The following ZNF146 variants were observed in gnomAD, a reference collection of about 807,000 sequenced individuals.
ZNF146 encodes the protein zinc finger protein OZF.
In ZNF146, 9 loss-of-function variants were observed where a neutral mutation model predicts 22.2. The ratio of observed to expected loss-of-function variants is 0.41; its 90% confidence interval spans 0.24 to 0.71. The LOEUF (loss-of-function observed/expected upper bound fraction) is 0.71, where lower values mean the gene tolerates loss of function less well. Among genes scored for constraint, ZNF146 ranks in the 30% least tolerant of loss-of-function variants. ZNF146 has a pLI of 0.34. For missense variants in ZNF146, 194 were observed against 344.8 expected (o/e 0.56, Z 3.46); for synonymous variants, 108 against 119.2 (o/e 0.91, Z 0.61).
At chr19:36,233,335 GCACCAC>G (rs1397625624) in intron 3 of ZNF146, among the ~76,000 whole-genome samples, 1 of 152,160 alleles carries the variant, frequency 6.6e-6, no homozygotes, top group Non-Finnish European at 1.5e-5. Context: ...AGTCGAGATC[GCACCAC>G]TGCACACCAG....
At chr19:36,218,355 C>T (rs1311201986) in intron 2 of ZNF146, among the ~76,000 whole-genome samples, 160 bp downstream of exon 2, 1 of 151,832 alleles carries the variant, frequency 6.6e-6, no homozygotes, top group Non-Finnish European at 1.5e-5. Flanking sequence ...ATGTTAAATA[C>T]TAGTACTTTT....
intron 2 of ZNF146, among the ~76,000 whole-genome samples, chr19:36,219,375 G>A (rs1976745229): frequency 6.6e-6 from 1 of 152,060 alleles, no homozygotes; most frequent in Admixed American, 6.5e-5. Context: ...ATGTTGCCCA[G>A]GCTGGAAGTT....
intron 2 of ZNF146, among the ~76,000 whole-genome samples, chr19:36,222,640 A>G (rs1262648562): frequency 2.6e-5 from 4 of 151,438 alleles, no homozygotes; most frequent in African/African-American, 9.8e-5. Flanking sequence ...ATTTTTTTTT[A>G]TATGTTTAAA....
chr19:36,218,326 TG>T (rs1976698798), intron 2 of ZNF146, 131 bp downstream of exon 2: 1 of 152,088 alleles, frequency 6.6e-6, no homozygotes, highest in Non-Finnish European at 1.5e-5. Flanking sequence ...GTCCCCAGTG[TG>T]TAGTAAGTAC....
At chr19:36,222,778 CTTTTTTTT>C in intron 2 of ZNF146, among the ~76,000 whole-genome samples, 1 of 100,892 alleles carries the variant, frequency 9.9e-6, no homozygotes, top group Middle Eastern at 6.3e-3. Flanking sequence ...TGAGTGGTGG[CTTTTTTTT>C]TTTTTTTTTT....
chr19:36,217,902 AT>A (rs1976678967), intron 1 of ZNF146, among the ~76,000 whole-genome samples: 1 of 138,650 alleles, frequency 7.2e-6, no homozygotes, highest in Non-Finnish European at 1.6e-5. Context: ...AAAAAAAAAA[AT>A]TCAAAAGATA....
rs752632008 is a variant in ZNF146, at chr19:36,217,055, C to CTTT, written c.-928-1044_-928-1042dup. ...AGCTTGGTGGACAGCCAGTCCCTGT[C>CTTT]TTTTTTTTTTTTTTTTTTTTTTTTT... On this transcript the variant is annotated intron_variant, in intron 1 of 3. Coordinates refer to ENST00000443387, the MANE Select transcript of ZNF146 (RefSeq NM_007145.3). Among the ~76,000 whole-genome samples the CTTT allele has an allele frequency of 5.0e-3, 330 of 65,868 alleles. 29 individuals carry two copies. The highest frequency in any genetic ancestry group is 0.014 in the East Asian group (25 of 1,830). 43.2% of individuals were successfully genotyped at this position (65,868 alleles called of 152,430 possible).
At chr19:36,217,955 G>C (rs1976682038) in intron 1 of ZNF146, among the ~76,000 whole-genome samples, 167 bp from the exon 2 acceptor site, 2 of 151,744 alleles carry the variant, frequency 1.3e-5, no homozygotes, top group African/African-American at 4.8e-5. Context: ...GGGGGTACTG[G>C]AATAGACAGG....
intron 2 of ZNF146, among the ~76,000 whole-genome samples, chr19:36,220,371 TATTTTA>T (rs560844017): frequency 0.09 from 12,860 of 143,196 alleles, 1,345 homozygotes; most frequent in Non-Finnish European, 0.14. Context: ...AATTTAATTT[TATTTTA>T]TTTTTGAGAC....
Position 36,228,758 on chromosome 19 carries a change from C to A in ZNF146, c.-844C>A, listed in dbSNP as rs781374836. On this transcript the variant is annotated 5_prime_UTR_variant, in exon 3 of 4. Transcript: ENST00000443387. ...TCATTTTCCCAATAGTTAATATGAT[C>A]CTCTGTTGAAGCAAGAAGACAAACT... The A allele has an allele frequency of 5.3e-5, 8 of 152,174 alleles. No individual in the cohort carries two copies. Among genetic ancestry groups the A allele is most frequent in the Non-Finnish European group, 1.2e-4 (8 of 68,074 alleles). 9.4% of individuals were successfully genotyped at this position (152,174 alleles called of 1,614,324 possible).
At chr19:36,233,783 G>GA (rs1175667644) in intron 3 of ZNF146, among the ~76,000 whole-genome samples, 2 of 152,202 alleles carry the variant, frequency 1.3e-5, no homozygotes, top group Non-Finnish European at 2.9e-5. Context: ...TCAGTAGATG[G>GA]AATATACAAT....
intron 2 of ZNF146, among the ~76,000 whole-genome samples, chr19:36,218,424 G>A (rs1976701909): frequency 6.6e-6 from 1 of 151,724 alleles, no homozygotes; most frequent in Non-Finnish European, 1.5e-5. Context: ...GTGTCTGGTA[G>A]GAATTTCTGA....
At position 36,237,718 on chromosome 19, in the gene ZNF146, GT is replaced by G. The variant is rs1977696333; in HGVS notation, c.*400del. 5.6e-6 allele frequency: 1 copy of G among 177,136 alleles called. No individual in the cohort carries two copies. The highest frequency in any genetic ancestry group is 1.7e-4 in the South Asian group (1 of 5,758). The allele number at this position is 177,136 out of a possible 1,614,324, so 11.0% of individuals were successfully genotyped here. On this transcript the variant is annotated 3_prime_UTR_variant, in exon 4 of 4. Transcript: ENST00000443387. The stretch of plus-strand genomic sequence containing the variant: ...ATCTACAACTAATATTAAGACTCCT[GT>G]GGTATTGATTGAGCAGAGCAGAAGA...
chr19:36,224,061 A>G (rs1976972348), intron 2 of ZNF146, among the ~76,000 whole-genome samples: 2 of 152,100 alleles, frequency 1.3e-5, no homozygotes, highest in Non-Finnish European at 2.9e-5. Flanking sequence ...CCAATTGGCT[A>G]CCACGTTCTT....
At chr19:36,223,188 G>C (rs1244342027) in intron 2 of ZNF146, among the ~76,000 whole-genome samples, 1 of 151,718 alleles carries the variant, frequency 6.6e-6, no homozygotes, top group African/African-American at 2.4e-5. Context: ...AGGCTGAGGC[G>C]GGTAGATCAC....
At position 36,237,315 on chromosome 19, in the gene ZNF146, A is replaced by C; in HGVS notation, c.875A>C (p.His292Pro). Residue 292 changes from histidine (H) to proline (P), a missense_variant, in exon 4 of 4, where the codon CAC becomes CCC. Coordinates refer to ENST00000443387, the MANE Select transcript of ZNF146 (RefSeq NM_007145.3). ...ATTAGACACCAGAAAATTCATACTC[A>C]CTAAAAACCCCATGAAAGCCTTGAA... ...HHIRHQKIHTH is the reference protein window; with the variant it reads ...HHIRHQKIHTP The C allele has an allele frequency of 6.3e-7, 1 of 1,595,442 alleles. No individual in the cohort carries two copies. The highest frequency in any genetic ancestry group is 1.1e-5 in the South Asian group (1 of 88,520).
intron 2 of ZNF146, among the ~76,000 whole-genome samples, chr19:36,225,331 TG>T (rs895337271): frequency 1.3e-5 from 2 of 152,212 alleles, no homozygotes; most frequent in African/African-American, 4.8e-5. Context: ...AAAAATAAGA[TG>T]TCTATTCCTA....
rs756160828 is a variant in ZNF146, at chr19:36,237,076, C to T, written c.636C>T (p.Tyr212=). ...HVRIHSGDKP[Y]ECNVCGKAFS... ...GGATTCATTCAGGTGATAAACCTTA[C>T]GAATGCAATGTTTGTGGAAAAGCCT... is the stretch of plus-strand genomic sequence containing the variant. The change falls in exon 4 of 4, where the codon TAC becomes TAT. Residue 212 remains tyrosine (Y), a synonymous_variant. Transcript: ENST00000443387. 8 of 1,614,002 alleles carry T rather than the reference C, an allele frequency of 5.0e-6. No homozygotes were observed. The highest frequency in any genetic ancestry group is 1.6e-4 in the Middle Eastern group (1 of 6,062).
chr19:36,228,662 A>T (rs1015958322), intron 2 of ZNF146, 86 bp from the exon 3 acceptor site: 2 of 152,262 alleles, frequency 1.3e-5, no homozygotes, highest in African/African-American at 4.8e-5. Flanking sequence ...TCAGAAGGCC[A>T]GGAGACCCCA....
Sources: allele counts gnomAD v4.1 joint callset (sites outside exome capture counted in the v4.1 genomes callset), GRCh38; gene constraint gnomAD v4.1.1; transcripts MANE v1.5; gene names NCBI Gene and HGNC (gene_info 2026-07-23, HGNC 2026-07-21).